PHACTR1: variants seen among roughly 807,000 people sequenced by gnomAD.
PHACTR1 encodes the protein phosphatase and actin regulator 1.
In PHACTR1, 16 loss-of-function variants were observed where a neutral mutation model predicts 69.2. That is an observed-to-expected ratio of 0.23 (90% CI 0.16 to 0.35). The LOEUF (loss-of-function observed/expected upper bound fraction) is 0.35. PHACTR1 is among the 10% of genes least tolerant of loss of function. The pLI, the probability that PHACTR1 is intolerant of heterozygous loss-of-function variation, is 1.00. For missense variants in PHACTR1, 510 were observed against 734.7 expected (o/e 0.69, Z 3.54); for synonymous variants, 312 against 284.5 (o/e 1.10, Z -0.97).
chr6:13,025,869 A>G (rs1193557281), intron 4 of PHACTR1, among the ~76,000 whole-genome samples: 2 of 152,202 alleles, frequency 1.3e-5, no homozygotes, highest in Non-Finnish European at 2.9e-5. Context: ...TCTCATGCCA[A>G]CGTGAATAAT....
At chr6:12,829,053 A>G (rs1033273041) in intron 4 of PHACTR1, among the ~76,000 whole-genome samples, 1 of 152,148 alleles carries the variant, frequency 6.6e-6, no homozygotes, top group Non-Finnish European at 1.5e-5. Context: ...TTGAAATATC[A>G]CTCCGTACCC....
chr6:13,260,960 G>A (rs990092329), intron 10 of PHACTR1, among the ~76,000 whole-genome samples: 4 of 152,206 alleles, frequency 2.6e-5, no homozygotes, highest in African/African-American at 7.2e-5. Context: ...TGATCTTTGT[G>A]GTGGGGGCTG....
At chr6:13,015,085 A>G (rs1799989457) in intron 4 of PHACTR1, among the ~76,000 whole-genome samples, 1 of 152,156 alleles carries the variant, frequency 6.6e-6, no homozygotes, top group South Asian at 2.1e-4. Context: ...TGACACGCAC[A>G]CCTGCTTGGG....
intron 4 of PHACTR1, among the ~76,000 whole-genome samples, chr6:12,819,566 C>T (rs1048063658): frequency 6.6e-6 from 1 of 152,070 alleles, no homozygotes; most frequent in Non-Finnish European, 1.5e-5. Context: ...CACTGTGTCT[C>T]GATTTTTTCT....
chr6:13,247,326 C>CGTGTGT (rs60972913), intron 10 of PHACTR1, among the ~76,000 whole-genome samples: 9,937 of 138,984 alleles, frequency 0.071, 520 homozygotes, highest in African/African-American at 0.14. Flanking sequence ...CAAGTTCCCT[C>CGTGTGT]GTGTGTGTGT....
intron 4 of PHACTR1, among the ~76,000 whole-genome samples, chr6:12,829,166 A>G (rs1192751767): frequency 2.0e-5 from 3 of 152,246 alleles, no homozygotes; most frequent in African/African-American, 7.2e-5. Flanking sequence ...GAAGCAAGAC[A>G]TACATTGTAG....
At chr6:12,824,524 T>C (rs528954263) in intron 4 of PHACTR1, among the ~76,000 whole-genome samples, 1 of 152,232 alleles carries the variant, frequency 6.6e-6, no homozygotes, top group East Asian at 1.9e-4. Flanking sequence ...TGCATACTAT[T>C]AAAGAGAAAA....
Position 13,281,255 on chromosome 6 carries a change from C to T in PHACTR1, c.1510-2167C>T, listed in dbSNP as rs112037332. The T allele has an allele frequency of 5.9e-3, 3,592 of 612,048 alleles. 103 individuals are homozygous for T. In the African/African-American group the frequency reaches 0.064, roughly 11 times the overall value. 37.9% of individuals were successfully genotyped at this position (612,048 alleles called of 1,614,324 possible). On this transcript the variant is annotated intron_variant, in intron 12 of 14. Coordinates refer to ENST00000332995, the MANE Select transcript of PHACTR1 (RefSeq NM_030948.6). The stretch of plus-strand genomic sequence containing the variant: ...ACTTTTCTCACATCATGGGTGCACT[C>T]AGAAAATAACCCTTTGGGCCGGGCT...
intron 10 of PHACTR1, among the ~76,000 whole-genome samples, chr6:13,251,626 C>T (rs911154908): frequency 6.6e-6 from 1 of 152,152 alleles, no homozygotes; most frequent in Non-Finnish European, 1.5e-5. Context: ...AGAACACGGA[C>T]TAATGTGTGC....
At chr6:13,119,049 C>T (rs940158958) in intron 5 of PHACTR1, among the ~76,000 whole-genome samples, 4 of 152,106 alleles carry the variant, frequency 2.6e-5, no homozygotes, top group South Asian at 2.1e-4. Flanking sequence ...AGAGGGCTTA[C>T]GAAAAACCTC....
chr6:13,213,757 C>T (rs1032761072), intron 8 of PHACTR1, among the ~76,000 whole-genome samples: 12 of 152,224 alleles, frequency 7.9e-5, no homozygotes, highest in African/African-American at 2.9e-4. Flanking sequence ...CAGCCAGAGG[C>T]TGCAGCCCTC....
At chr6:12,956,148 T>G (rs1791871124) in intron 4 of PHACTR1, among the ~76,000 whole-genome samples, 1 of 152,172 alleles carries the variant, frequency 6.6e-6, no homozygotes, top group South Asian at 2.1e-4. Context: ...CTGACCAACA[T>G]TAGCATTTGT....
At chr6:13,037,894 A>G (rs1168311268) in intron 4 of PHACTR1, among the ~76,000 whole-genome samples, 1 of 152,222 alleles carries the variant, frequency 6.6e-6, no homozygotes, top group Non-Finnish European at 1.5e-5. Flanking sequence ...ACCAGTTTTG[A>G]TGATGAGTTA....
At chr6:13,067,078 C>T (rs901109293) in intron 5 of PHACTR1, among the ~76,000 whole-genome samples, 4 of 152,184 alleles carry the variant, frequency 2.6e-5, no homozygotes, top group African/African-American at 9.7e-5. Flanking sequence ...TTTCCTTCTT[C>T]CCAGGTAGAA....
chr6:13,243,930 C>T (rs1214212381), intron 10 of PHACTR1, among the ~76,000 whole-genome samples: 3 of 152,230 alleles, frequency 2.0e-5, no homozygotes, highest in African/African-American at 7.2e-5. Flanking sequence ...AACATGATCT[C>T]ATTCTTTTTT....
intron 7 of PHACTR1, among the ~76,000 whole-genome samples, chr6:13,185,775 T>A (rs545182859): frequency 6.6e-6 from 1 of 152,316 alleles, no homozygotes; most frequent in South Asian, 2.1e-4. Flanking sequence ...ACTGCCTTTT[T>A]AAAAAGCACT....
At chr6:12,969,554 C>T (rs757491813) in intron 4 of PHACTR1, among the ~76,000 whole-genome samples, 2 of 152,156 alleles carry the variant, frequency 1.3e-5, no homozygotes, top group Non-Finnish European at 2.9e-5. Flanking sequence ...CCAGCCCAGG[C>T]AATGTGGTGA....
intron 3 of PHACTR1, among the ~76,000 whole-genome samples, chr6:12,748,314 A>G (rs1367025947): frequency 3.3e-5 from 5 of 152,300 alleles, no homozygotes; most frequent in Middle Eastern, 3.4e-3. Flanking sequence ...GCAAGTGGAG[A>G]GTTAGAACTG....
chr6:13,039,534 T>C (rs768764318), intron 4 of PHACTR1, among the ~76,000 whole-genome samples: 9 of 152,174 alleles, frequency 5.9e-5, no homozygotes, highest in Non-Finnish European at 1.0e-4. Flanking sequence ...TTGCCTACTC[T>C]CTGCTGAACT....
Sources: allele counts gnomAD v4.1 joint callset (sites outside exome capture counted in the v4.1 genomes callset), GRCh38; gene constraint gnomAD v4.1.1; transcripts MANE v1.5; gene names NCBI Gene and HGNC (gene_info 2026-07-23, HGNC 2026-07-21).